Variants in ITIH5 observed in about 807,000 individuals in gnomAD.
The protein encoded by ITIH5 is inter-alpha-trypsin inhibitor heavy chain 5, also known as inter-alpha-trypsin inhibitor heavy chain H5.
In ITIH5, 65 loss-of-function variants were observed where a neutral mutation model predicts 77.5. The observed-to-expected ratio is 0.84, with a 90% CI of 0.69 to 1.03. The LOEUF (loss-of-function observed/expected upper bound fraction) is 1.03. Ranked by LOEUF, ITIH5 falls within the 50% of genes least tolerant of loss-of-function variation. The probability of loss-of-function intolerance (pLI) is 0.00; values close to 1 mark genes in which losing one functional copy is unlikely to be tolerated. For synonymous variants in ITIH5, 525 were observed against 494.3 expected (o/e 1.06, Z -0.82); for missense variants, 1,208 against 1,213.1 (o/e 1.00, Z 0.06).
chr10:7,601,295 C>G (rs1225927346), intron 7 of ITIH5, among the ~76,000 whole-genome samples: 1 of 152,174 alleles, frequency 6.6e-6, no homozygotes. Context: ...TACCCCAATT[C>G]AGAGAGAGGG....
intron 7 of ITIH5, among the ~76,000 whole-genome samples, chr10:7,612,077 T>C (rs1039931770): frequency 6.6e-6 from 1 of 152,160 alleles, no homozygotes; most frequent in Non-Finnish European, 1.5e-5. Flanking sequence ...ACAAATGAAT[T>C]GGTACTCTTT....
intron 2 of ITIH5, among the ~76,000 whole-genome samples, chr10:7,646,133 G>T (rs1211303308): frequency 6.6e-6 from 1 of 152,188 alleles, no homozygotes; most frequent in Non-Finnish European, 1.5e-5. Context: ...AATTTGCGAA[G>T]CATCTAGAAT....
chr10:7,633,637 G>T (rs58160978), intron 5 of ITIH5, among the ~76,000 whole-genome samples: 26,393 of 149,952 alleles, frequency 0.18, 2,798 homozygotes, highest in Non-Finnish European at 0.24. Flanking sequence ...AGTAAGTAAG[G>T]TTTCTCAGCT....
Position 7,650,831 on chromosome 10 carries a change from A to G in ITIH5, c.135+4800T>C, listed in dbSNP as rs150945740. On this transcript the variant is annotated intron_variant, in intron 2 of 13. Coordinates refer to ENST00000397146, the MANE Select transcript of ITIH5 (RefSeq NM_030569.7). ...CTAGATTTACCACCTCGGGGAAATCATTTTACCCCTCTGTAGACAGGAAAT... is the reference window on the plus strand; with the variant it reads ...CTAGATTTACCACCTCGGGGAAATCGTTTTACCCCTCTGTAGACAGGAAAT... 7.1e-3 allele frequency among the ~76,000 whole-genome samples: 1,086 copies of G among 152,220 alleles called. 15 individuals carry two copies. Among genetic ancestry groups the G allele is most frequent in the African/African-American group, 0.024 (980 of 41,510 alleles).
chr10:7,619,521 G>T, intron 5 of ITIH5: 1 of 274,080 alleles, frequency 3.6e-6, no homozygotes, highest in Non-Finnish European at 7.9e-6. Flanking sequence ...TTTTCACACT[G>T]TTATCAAGAA....
intron 8 of ITIH5, among the ~76,000 whole-genome samples, chr10:7,582,646 T>C (rs1260905486): frequency 6.6e-6 from 1 of 152,182 alleles, no homozygotes; most frequent in East Asian, 1.9e-4. Flanking sequence ...CATGGGGCAC[T>C]ATTCAGCCAC....
At position 7,586,065 on chromosome 10, in the gene ITIH5, T is replaced by C. The variant is rs1264471221; in HGVS notation, c.944A>G (p.Lys315Arg). 6.2e-7 allele frequency: 1 copy of C among 1,612,748 alleles called. No homozygotes were observed. The highest frequency in any genetic ancestry group is 8.5e-7 in the Non-Finnish European group (1 of 1,179,442). Residue 315 changes from lysine (K) to arginine (R), a missense_variant, in exon 8 of 14, where the codon AAG (lysine) becomes AGG (arginine). Transcript: ENST00000397146. ...ATGGAGAATTGTGAAGAGGGCATCCTTGGTCTAGGCAAACACAAAAGCAAA... is the reference window on the plus strand; with the variant it reads ...ATGGAGAATTGTGAAGAGGGCATCCCTGGTCTAGGCAAACACAAAAGCAAA... Reference protein sequence around the residue: ...SMVGTKLRQTKDALFTILHDL... With the variant: ...SMVGTKLRQTRDALFTILHDL...
intron 7 of ITIH5, among the ~76,000 whole-genome samples, chr10:7,586,507 C>T (rs1001460878): frequency 6.6e-6 from 1 of 152,264 alleles, no homozygotes; most frequent in Non-Finnish European, 1.5e-5. Context: ...GCAAAGCCCT[C>T]AATGCATTCC....
chr10:7,622,817 T>A (rs1185307942), intron 5 of ITIH5, among the ~76,000 whole-genome samples: 1 of 152,206 alleles, frequency 6.6e-6, no homozygotes, highest in Non-Finnish European at 1.5e-5. Context: ...AATGTACATT[T>A]TTTTCTGAAG....
At chr10:7,585,837 AAAACC>A in intron 8 of ITIH5, 59 bp downstream of exon 8, 3 of 1,448,480 alleles carry the variant, frequency 2.1e-6, no homozygotes, top group East Asian at 2.3e-5. Flanking sequence ...AAAAAAAAAA[AAAACC>A]AAAAAAAAAA....
At chr10:7,574,754 C>T (rs1490926339) in intron 10 of ITIH5, among the ~76,000 whole-genome samples, 2 of 145,228 alleles carry the variant, frequency 1.4e-5, no homozygotes, top group Non-Finnish European at 3.0e-5. Context: ...GATAGCACCA[C>T]TGCACTCCAG....
At chr10:7,653,120 G>A (rs552327076) in intron 2 of ITIH5, among the ~76,000 whole-genome samples, 1 of 152,336 alleles carries the variant, frequency 6.6e-6, no homozygotes, top group African/African-American at 2.4e-5. Flanking sequence ...TGGCAGAAAT[G>A]TGTGTATTCA....
In ITIH5 at chr10:7,661,863, G is replaced by C; in HGVS notation, c.90+4940C>G. Among the ~76,000 whole-genome samples, 2 of 152,046 alleles carry C rather than the reference G, an allele frequency of 1.3e-5. 1 individual carries two copies. Among genetic ancestry groups the C allele is most frequent in the East Asian group, 3.9e-4 (2 of 5,176 alleles). On this transcript the variant is annotated intron_variant, in intron 1 of 13. Coordinates refer to ENST00000397146, the MANE Select transcript of ITIH5 (RefSeq NM_030569.7). ...CTACAGGTGCATGCCACCATGCCCAGCTAATTTTTGTACTTTTAGTAGACA... is the reference window on the plus strand; with the variant it reads ...CTACAGGTGCATGCCACCATGCCCACCTAATTTTTGTACTTTTAGTAGACA...
intron 5 of ITIH5, chr10:7,619,684 G>C (rs898865767): frequency 1.6e-5 from 4 of 244,566 alleles, no homozygotes; most frequent in Non-Finnish European, 3.6e-5. Context: ...ACAGAACTGG[G>C]AAGCGCCGGA....
chr10:7,572,461 C>A, intron 11 of ITIH5: 1 of 1,328,504 alleles, frequency 7.5e-7, no homozygotes, highest in Non-Finnish European at 9.9e-7. Context: ...ATTTTGGTAG[C>A]ACCATTTTAT....
intron 1 of ITIH5, 114 bp downstream of exon 1, chr10:7,666,689 T>C (rs1834366622): frequency 1.3e-6 from 1 of 743,406 alleles, no homozygotes; most frequent in African/African-American, 1.9e-5. Context: ...CCTGGGCCTC[T>C]GGTGGGGGCC....
intron 5 of ITIH5, among the ~76,000 whole-genome samples, chr10:7,622,785 CA>C: frequency 6.6e-6 from 1 of 152,128 alleles, no homozygotes; most frequent in Non-Finnish European, 1.5e-5. Context: ...AAATTATACA[CA>C]GAATTTTGCA....
chr10:7,576,902 G>C lies in ITIH5; in HGVS notation c.1529C>G (p.Ser510Trp). The change falls in exon 10 of 14, where the codon TCG (serine) becomes TGG (tryptophan). Residue 510 changes from serine (S) to tryptophan (W), a missense_variant. Ser to Trp is a radical substitution (Grantham distance 177). Transcript: ENST00000397146. ...CAGCTTCCCCGCAATGATGATCTCC[G>C]AGCCGTTGAAGTAGTTGGGGAACAG... ...KTLFPNYFNG[S>W]EIIIAGKLVD... 2 of 1,614,120 alleles carry C rather than the reference G, an allele frequency of 1.2e-6. No individual in the cohort carries two copies. The highest frequency in any genetic ancestry group is 1.7e-6 in the Non-Finnish European group (2 of 1,180,018).
chr10:7,563,118 T>A lies in ITIH5; in HGVS notation c.2794A>T (p.Met932Leu). ...YLASHPFDTG[M>L]TLGRGMSREL ...CTGGACATTCCCCGGCCAAGTGTCA[T>A]CCCTGTGTCAAATGGATGGGATGCC... The change falls in exon 14 of 14, where the codon ATG becomes TTG. Residue 932 changes from methionine to leucine, a missense_variant. Coordinates refer to ENST00000397146, the MANE Select transcript of ITIH5 (RefSeq NM_030569.7). 4 of 1,613,614 alleles carry A rather than the reference T, an allele frequency of 2.5e-6. No homozygotes were observed. The highest frequency in any genetic ancestry group is 3.4e-6 in the Non-Finnish European group (4 of 1,179,816).
Sources: allele counts gnomAD v4.1 joint callset (sites outside exome capture counted in the v4.1 genomes callset), GRCh38; gene constraint gnomAD v4.1.1; transcripts MANE v1.5; gene names NCBI Gene and HGNC (gene_info 2026-07-23, HGNC 2026-07-21).